CDC37L1: variants seen among roughly 807,000 people sequenced by gnomAD.
CDC37L1 encodes hsp90 co-chaperone Cdc37-like 1.
In CDC37L1, 32 loss-of-function variants were observed where a neutral mutation model predicts 45.9. The observed-to-expected ratio is 0.70, with a 90% CI of 0.53 to 0.94. The LOEUF is 0.94. Among genes scored for constraint, CDC37L1 ranks in the 40% least tolerant of loss-of-function variants. The probability of loss-of-function intolerance (pLI) is 0.00; values close to 1 mark genes in which losing one functional copy is unlikely to be tolerated. For missense variants in CDC37L1, 434 were observed against 405.7 expected, an observed-to-expected ratio of 1.07 and a Z score of -0.60; for synonymous variants, 150 against 133.0, an observed-to-expected ratio of 1.13 and a Z score of -0.88.
At position 4,697,891 on chromosome 9, in the gene CDC37L1, T is replaced by C. The variant is rs779140352; in HGVS notation, c.747+12T>C. ...TCCAGAAAGCCAAAGTAAGTAGTTA[T>C]TTGATATTGATAAATGGGAAGATTT... On this transcript the variant is annotated intron_variant, in intron 5 of 6. Transcript: ENST00000381854. 2.5e-6 allele frequency: 4 copies of C among 1,612,450 alleles called. No individual in the cohort carries two copies. The East Asian group carries it at 6.7e-5, about 27-fold the overall frequency.
intron 5 of CDC37L1, among the ~76,000 whole-genome samples, chr9:4,699,287 A>G (rs985682499): frequency 1.3e-5 from 2 of 152,224 alleles, no homozygotes; most frequent in African/African-American, 4.8e-5. Flanking sequence ...GAGCATCGAC[A>G]TGACACTCAA....
intron 6 of CDC37L1, among the ~76,000 whole-genome samples, chr9:4,705,341 TA>T (rs994934346): frequency 1.1e-4 from 16 of 152,332 alleles, no homozygotes; most frequent in Non-Finnish European, 1.6e-4. Flanking sequence ...GGTGCTTTAA[TA>T]ATGGTTTTAT....
At position 4,685,080 on chromosome 9, in the gene CDC37L1, G is replaced by A; in HGVS notation, c.336G>A (p.Gln112=). 2 of 1,613,920 alleles carry A rather than the reference G, an allele frequency of 1.2e-6. No homozygotes were observed. The highest frequency in any genetic ancestry group is 1.3e-5 in the African/African-American group (1 of 75,052). ...GGCAACGGGAAGAAGAGTGGCGACA[G>A]AAAGAAGAAGCTCTAGTACAAAGAG... The part of the protein sequence containing the change: ...ELRQREEEWR[Q]KEEALVQREK... Residue 112 remains glutamine (Q), a synonymous_variant, in exon 2 of 7, where the codon CAG becomes CAA. Transcript: ENST00000381854.
At chr9:4,694,524 G>C (rs1841328968) in intron 3 of CDC37L1, among the ~76,000 whole-genome samples, 1 of 152,062 alleles carries the variant, frequency 6.6e-6, no homozygotes, top group Non-Finnish European at 1.5e-5. Flanking sequence ...AAAAAAAAAT[G>C]TATTTTCAAT....
chr9:4,692,696 A>G (rs1841313036), intron 3 of CDC37L1, among the ~76,000 whole-genome samples: 1 of 152,258 alleles, frequency 6.6e-6, no homozygotes, highest in Admixed American at 6.5e-5. Flanking sequence ...AAAATTCTTC[A>G]TAATAAATAA....
chr9:4,702,881 T>C (rs1587624636), intron 6 of CDC37L1, among the ~76,000 whole-genome samples: 1 of 86,898 alleles, frequency 1.2e-5, no homozygotes. Flanking sequence ...AGAGCAAGAC[T>C]CCGTCTCAAA....
intron 1 of CDC37L1, among the ~76,000 whole-genome samples, chr9:4,684,075 A>G (rs971904536): frequency 7.4e-6 from 1 of 135,252 alleles, no homozygotes; most frequent in Admixed American, 7.4e-5. Flanking sequence ...CACGAGGTCA[A>G]GAGATCAAGA....
rs1483910666 is a variant in CDC37L1, at chr9:4,699,053, C to T, written c.747+1174C>T. ...TTTCATTTCTAACAGTAAATACTGA[C>T]AGATACAACTCACATAAACAGAAGC... On this transcript the variant is annotated intron_variant, in intron 5 of 6. Coordinates refer to ENST00000381854, the MANE Select transcript of CDC37L1 (RefSeq NM_017913.4). 2.0e-5 allele frequency among the ~76,000 whole-genome samples: 3 copies of T among 152,084 alleles called. No homozygotes were observed. The South Asian group carries it at 6.2e-4, about 31-fold the overall frequency.
chr9:4,704,849 T>G (rs1841428473), intron 6 of CDC37L1, among the ~76,000 whole-genome samples: 1 of 152,034 alleles, frequency 6.6e-6, no homozygotes, highest in African/African-American at 2.4e-5. Flanking sequence ...ACAGTTAACT[T>G]TAGGTTTATC....
Position 4,687,678 on chromosome 9 carries a change from CAAAAAA to C in CDC37L1, c.415-817_415-812del, listed in dbSNP as rs59932144. On this transcript the variant is annotated intron_variant, in intron 2 of 6. Transcript: ENST00000381854. Reference sequence around the variant, plus strand: ...TGGGTGACAGAGCAAGACCCCATCTCAAAAAAAAAAAAAAAAAAAAAAAGACACGCA... The same window carrying C: ...TGGGTGACAGAGCAAGACCCCATCTCAAAAAAAAAAAAAAAAAGACACGCA... Among the ~76,000 whole-genome samples, 7 of 58,410 alleles carry C rather than the reference CAAAAAA, an allele frequency of 1.2e-4. No homozygotes were observed. The East Asian group carries it at 3.5e-3, about 29-fold the overall frequency. The allele number at this position is 58,410 out of a possible 152,430, so 38.3% of individuals were successfully genotyped here.
intron 1 of CDC37L1, among the ~76,000 whole-genome samples, chr9:4,681,187 G>T (rs1016075696): frequency 6.6e-6 from 1 of 152,214 alleles, no homozygotes; most frequent in Admixed American, 6.5e-5. Context: ...AGAAAAAAGG[G>T]TGTCAAGAAT....
chr9:4,706,138 TG>T lies in CDC37L1; in HGVS notation c.*27del, dbSNP rs780291470. 2.8e-5 allele frequency: 31 copies of T among 1,089,874 alleles called. No homozygotes were observed. Among genetic ancestry groups the T allele is most frequent in the Non-Finnish European group, 4.4e-5 (31 of 706,108 alleles). 67.5% of individuals were successfully genotyped at this position (1,089,874 alleles called of 1,614,324 possible). ...TTTGGTTAAGACTGCTGAGGCCAAGTGCTATTTTGTTACAAGAAAGGAAGAA... is the reference window on the plus strand; with the variant it reads ...TTTGGTTAAGACTGCTGAGGCCAAGTCTATTTTGTTACAAGAAAGGAAGAA... On this transcript the variant is annotated 3_prime_UTR_variant, in exon 7 of 7. Transcript: ENST00000381854.
chr9:4,704,367 T>G (rs1375435033), intron 6 of CDC37L1, among the ~76,000 whole-genome samples: 1 of 152,200 alleles, frequency 6.6e-6, no homozygotes, highest in Non-Finnish European at 1.5e-5. Context: ...GTGAATCATA[T>G]GTGTTGAGAA....
intron 5 of CDC37L1, among the ~76,000 whole-genome samples, chr9:4,699,772 A>G (rs1356852462): frequency 6.6e-6 from 1 of 152,106 alleles, no homozygotes; most frequent in African/African-American, 2.4e-5. Context: ...CCTAATTTCT[A>G]TGGGTAAATA....
At chr9:4,692,341 C>T (rs1323468827) in intron 3 of CDC37L1, among the ~76,000 whole-genome samples, 1 of 151,580 alleles carries the variant, frequency 6.6e-6, no homozygotes, top group African/African-American at 2.4e-5. Context: ...GTGATCTCAG[C>T]TCACTGCAAC....
intron 3 of CDC37L1, among the ~76,000 whole-genome samples, chr9:4,691,541 T>C (rs1407246136): frequency 6.6e-6 from 1 of 152,188 alleles, no homozygotes; most frequent in Non-Finnish European, 1.5e-5. Flanking sequence ...TTTCTGGACT[T>C]GGATTGCATT....
chr9:4,682,427 A>T (rs1055200137), intron 1 of CDC37L1, among the ~76,000 whole-genome samples: 1 of 150,604 alleles, frequency 6.6e-6, no homozygotes. Context: ...TTCTGGGTTC[A>T]TGCCATTCTC....
chr9:4,694,600 T>C (rs1841329616), intron 3 of CDC37L1, among the ~76,000 whole-genome samples: 1 of 151,600 alleles, frequency 6.6e-6, no homozygotes, highest in South Asian at 2.1e-4. Flanking sequence ...TGGCAGGGAG[T>C]GGTGGCTCAC....
intron 6 of CDC37L1, among the ~76,000 whole-genome samples, chr9:4,704,555 C>T (rs1332573502): frequency 6.6e-6 from 1 of 152,116 alleles, no homozygotes; most frequent in South Asian, 2.1e-4. Context: ...AAAGTTGTGC[C>T]ATGGAAAACT....
Sources: gnomAD v4.1 joint callset for allele counts (sites outside exome capture counted in the v4.1 genomes callset) on GRCh38, gnomAD v4.1.1 for gene constraint, MANE v1.5 for transcripts, NCBI Gene and HGNC (gene_info 2026-07-23, HGNC 2026-07-21) for gene names.